Variants in DDC observed in about 807,000 individuals in gnomAD.
DDC encodes the protein dopa decarboxylase.
A neutral mutation model predicts 60.0 loss-of-function variants in DDC; 43 were observed. The ratio of observed to expected loss-of-function variants is 0.72; its 90% CI spans 0.56 to 0.92. The LOEUF is 0.92. DDC is among the 40% of genes least tolerant of loss of function. The pLI is 0.00. For missense variants in DDC, 573 were observed against 620.2 expected, an observed-to-expected ratio of 0.92 and a Z score of 0.81; for synonymous variants, 232 against 234.6, an observed-to-expected ratio of 0.99 and a Z score of 0.10.
At chr7:50,508,524 G>A (rs576068151) in intron 6 of DDC, among the ~76,000 whole-genome samples, 24 of 152,302 alleles carry the variant, frequency 1.6e-4, no homozygotes, top group African/African-American at 4.1e-4. Context: ...GGCTCATTAG[G>A]GAAGCAAGCT....
intron 9 of DDC, among the ~76,000 whole-genome samples, chr7:50,483,976 C>G (rs936532166): frequency 1.3e-5 from 2 of 151,342 alleles, no homozygotes; most frequent in African/African-American, 4.9e-5. Flanking sequence ...GTTGTATTAA[C>G]AATAAGATTT....
intron 6 of DDC, among the ~76,000 whole-genome samples, chr7:50,508,034 C>A (rs1161315702): frequency 6.6e-6 from 1 of 152,216 alleles, no homozygotes; most frequent in African/African-American, 2.4e-5. Context: ...GCAAACAGGA[C>A]CCCTGGGACA....
chr7:50,498,522 C>G (rs1306988504), intron 8 of DDC, among the ~76,000 whole-genome samples: 2 of 152,228 alleles, frequency 1.3e-5, no homozygotes, highest in African/African-American at 4.8e-5. Flanking sequence ...AAATAACACA[C>G]CACAGTATAT....
intron 6 of DDC, among the ~76,000 whole-genome samples, chr7:50,514,163 G>C (rs1461951376): frequency 6.6e-6 from 1 of 152,196 alleles, no homozygotes; most frequent in Non-Finnish European, 1.5e-5. Context: ...ACTCTGTGCA[G>C]ATAACCCCTG....
At chr7:50,548,482 G>A (rs1192655158) in intron 1 of DDC, among the ~76,000 whole-genome samples, 1 of 152,154 alleles carries the variant, frequency 6.6e-6, no homozygotes, top group African/African-American at 2.4e-5. Flanking sequence ...GTATTTTAAT[G>A]GTCTGAATTG....
At chr7:50,547,672 C>T (rs972922998) in intron 1 of DDC, among the ~76,000 whole-genome samples, 1 of 152,220 alleles carries the variant, frequency 6.6e-6, no homozygotes, top group East Asian at 1.9e-4. Flanking sequence ...GCCAACACTC[C>T]GAGACCGAGA....
At chr7:50,475,840 C>G (rs1389516563) in intron 11 of DDC, among the ~76,000 whole-genome samples, 1 of 152,142 alleles carries the variant, frequency 6.6e-6, no homozygotes, top group Admixed American at 6.5e-5. Context: ...CAGGTGCCTG[C>G]CACCACACCC....
At chr7:50,492,757 C>A in intron 9 of DDC, 1 of 1,441,250 alleles carries the variant, frequency 6.9e-7, no homozygotes, top group Non-Finnish European at 9.1e-7. Flanking sequence ...TACATCACCT[C>A]CACTTTGTCA....
chr7:50,466,752 T>C (rs1003824343), intron 13 of DDC, among the ~76,000 whole-genome samples: 1 of 152,160 alleles, frequency 6.6e-6, no homozygotes, highest in African/African-American at 2.4e-5. Context: ...CAGACTCCTG[T>C]GTGGGCATCT....
At chr7:50,478,922 C>G (rs2042707557) in intron 10 of DDC, among the ~76,000 whole-genome samples, 1 of 152,222 alleles carries the variant, frequency 6.6e-6, no homozygotes, top group Admixed American at 6.5e-5. Flanking sequence ...AGCGTTGACT[C>G]TATTTTCCAA....
chr7:50,478,561 A>G (rs1268690076), intron 10 of DDC, among the ~76,000 whole-genome samples: 1 of 152,180 alleles, frequency 6.6e-6, no homozygotes, highest in Admixed American at 6.6e-5. Flanking sequence ...GCAAGTTCCT[A>G]TCTGCTTCTC....
intron 9 of DDC, among the ~76,000 whole-genome samples, chr7:50,488,489 G>A (rs1260033139): frequency 6.7e-6 from 1 of 150,158 alleles, no homozygotes; most frequent in East Asian, 1.9e-4. Flanking sequence ...CAAAAATGTT[G>A]TGTGATATAT....
At chr7:50,482,647 G>C (rs2042795136) in intron 9 of DDC, among the ~76,000 whole-genome samples, 1 of 152,100 alleles carries the variant, frequency 6.6e-6, no homozygotes, top group Admixed American at 6.5e-5. Flanking sequence ...GAATTGTGCT[G>C]AGGTCTAATA....
chr7:50,474,774 A>ATG (rs1167333735), intron 11 of DDC, among the ~76,000 whole-genome samples: 8 of 152,206 alleles, frequency 5.3e-5, no homozygotes, highest in Non-Finnish European at 1.0e-4. Context: ...ATGTTATTTT[A>ATG]TGTGAACCAG....
intron 6 of DDC, among the ~76,000 whole-genome samples, chr7:50,527,019 AGATTTT>A (rs2044055495): frequency 6.6e-6 from 1 of 151,832 alleles, no homozygotes; most frequent in Non-Finnish European, 1.5e-5. Context: ...TCATAGTGTG[AGATTTT>A]TAACATACCT....
At chr7:50,501,979 C>G (rs575951254) in intron 7 of DDC, among the ~76,000 whole-genome samples, 1 of 152,216 alleles carries the variant, frequency 6.6e-6, no homozygotes, top group East Asian at 1.9e-4. Context: ...AAAGCTGAGG[C>G]AGGAGAATCA....
chr7:50,487,687 A>G (rs1194911716), intron 9 of DDC, among the ~76,000 whole-genome samples: 1 of 152,142 alleles, frequency 6.6e-6, no homozygotes, highest in Non-Finnish European at 1.5e-5. Context: ...TTAAAAATAA[A>G]GGAGTACTCA....
intron 1 of DDC, among the ~76,000 whole-genome samples, chr7:50,553,589 C>T (rs538336470): frequency 4.8e-5 from 7 of 146,258 alleles, no homozygotes; most frequent in Non-Finnish European, 1.0e-4. Flanking sequence ...CAGGTTCAAG[C>T]GATTCTCCTG....
At position 50,470,083 on chromosome 7, in the gene DDC, T is replaced by C; in HGVS notation, c.1130A>G (p.Tyr377Cys). 2 of 1,608,014 alleles carry C rather than the reference T, an allele frequency of 1.2e-6. No individual in the cohort carries two copies. Among genetic ancestry groups the C allele is most frequent in the Non-Finnish European group, 1.7e-6 (2 of 1,174,408 alleles). ...TAAAAACAAAGTCACCTTGCGGATATAAGCCTGCAGTCCTTTGACTCCATA... is the reference window on the plus strand; with the variant it reads ...TAAAAACAAAGTCACCTTGCGGATACAAGCCTGCAGTCCTTTGACTCCATA... ...RMYGVKGLQA[Y>C]IRKHVQLSHE... Residue 377 changes from tyrosine (Y) to cysteine (C), a missense_variant, in exon 12 of 15, where the codon TAT (tyrosine) becomes TGT (cysteine). By Grantham distance (194) the Tyr-to-Cys change is radical. Transcript: ENST00000444124.
Sources: allele counts gnomAD v4.1 joint callset (sites outside exome capture counted in the v4.1 genomes callset), GRCh38; gene constraint gnomAD v4.1.1; transcripts MANE v1.5; gene names NCBI Gene and HGNC (gene_info 2026-07-23, HGNC 2026-07-21).